ATP10A: variants seen among roughly 807,000 people sequenced by gnomAD.
ATP10A encodes the protein ATPase phospholipid transporting 10A (putative).
Under a neutral mutation model 147.8 loss-of-function variants are expected in ATP10A, and 111 were observed. The ratio of observed to expected loss-of-function variants is 0.75; its 90% confidence interval spans 0.64 to 0.88. The LOEUF (loss-of-function observed/expected upper bound fraction) is 0.88, where lower values mean the gene tolerates loss of function less well. ATP10A is among the 40% of genes least tolerant of loss of function. ATP10A has a pLI of 0.00. For missense variants in ATP10A, 1,927 were observed against 1,959.0 expected, an observed-to-expected ratio of 0.98 and a Z score of 0.31; for synonymous variants, 875 against 841.6, an observed-to-expected ratio of 1.04 and a Z score of -0.69.
intron 1 of ATP10A, among the ~76,000 whole-genome samples, chr15:25,839,144 A>G (rs1892704736): frequency 6.6e-6 from 1 of 152,200 alleles, no homozygotes; most frequent in African/African-American, 2.4e-5. Flanking sequence ...GCTCCAGTTT[A>G]AACTCCAGTG....
intron 8 of ATP10A, among the ~76,000 whole-genome samples, chr15:25,717,840 C>T (rs1333107062): frequency 6.6e-5 from 10 of 152,220 alleles, no homozygotes; most frequent in Non-Finnish European, 1.5e-4. Flanking sequence ...CTAATTAAAA[C>T]TCCCTTGGGA....
Position 25,679,412 on chromosome 15 carries a change from A to G in ATP10A, c.4429T>C (p.Ser1477Pro). Residue 1477 changes from serine to proline, a missense_variant, in exon 21 of 21, where the codon TCA (serine) becomes CCA (proline). Ser to Pro is a moderately conservative substitution (Grantham distance 74, BLOSUM62 -1). Transcript: ENST00000555815. ...GGCCCTTGAAGTCCTGATCGGCCTG[A>G]GTGGGGCTGGACAGGAAGTCCACGT... ...AGRGLPVQPH[S>P]GRSGLQGPDH... 1.9e-6 allele frequency: 3 copies of G among 1,613,208 alleles called. No homozygotes were observed. The highest frequency in any genetic ancestry group is 2.5e-6 in the Non-Finnish European group (3 of 1,179,238).
intron 3 of ATP10A, among the ~76,000 whole-genome samples, chr15:25,728,473 C>T (rs994440629): frequency 2.0e-5 from 3 of 152,254 alleles, no homozygotes; most frequent in Non-Finnish European, 2.9e-5. Context: ...AGATTCGAGA[C>T]GGCAAACCAC....
In ATP10A at chr15:25,694,935, A is replaced by G; in HGVS notation, c.2972T>C (p.Phe991Ser). 1 of 1,614,114 alleles carries G rather than the reference A, an allele frequency of 6.2e-7. No homozygotes were observed. The highest frequency in any genetic ancestry group is 8.5e-7 in the Non-Finnish European group (1 of 1,180,038). The change falls in exon 14 of 21, where the codon TTC becomes TCC. Residue 991 changes from phenylalanine to serine, a missense_variant. Transcript: ENST00000555815. ...YALEKNLEDK[F>S]LFLAKQCRSV... is the part of the protein sequence containing the mutation. Reference sequence around the variant, plus strand: ...GCGGCACTGCTTGGCAAGGAAGAGGAATTTGTCCTCCAGGTTTTTCTCGAG... The same window carrying G: ...GCGGCACTGCTTGGCAAGGAAGAGGGATTTGTCCTCCAGGTTTTTCTCGAG...
chr15:25,796,163 G>A lies in ATP10A; in HGVS notation c.450-14940C>T, dbSNP rs755805612. On this transcript the variant is annotated intron_variant, in intron 1 of 20. Coordinates refer to ENST00000555815, the MANE Select transcript of ATP10A (RefSeq NM_024490.4). ...AAAATAGTTTGTTTCAGGGCTAGGC[G>A]TGGTGGTTCACATCTGTAATCCCAG... is the stretch of plus-strand genomic sequence containing the variant. Among the ~76,000 whole-genome samples the A allele has an allele frequency of 7.2e-5, 11 of 152,188 alleles. No homozygotes were observed. In the East Asian group the frequency reaches 7.7e-4, roughly 11 times the overall value.
chr15:25,683,715 G>GTGGGAAT, intron 16 of ATP10A: 1 of 561,628 alleles, frequency 1.8e-6, no homozygotes, highest in Non-Finnish European at 3.2e-6. Flanking sequence ...AGAACTGGCA[G>GTGGGAAT]TGGGAATTGG....
In ATP10A at chr15:25,827,150, C is replaced by T. The variant is rs185119405; in HGVS notation, c.449+35498G>A. 2.9e-3 allele frequency among the ~76,000 whole-genome samples: 446 copies of T among 152,230 alleles called. 3 individuals are homozygous for T. Among genetic ancestry groups the T allele is most frequent in the African/African-American group, 0.01 (434 of 41,546 alleles). On this transcript the variant is annotated intron_variant, in intron 1 of 20. Coordinates refer to ENST00000555815, the MANE Select transcript of ATP10A (RefSeq NM_024490.4). ...AAGTGCTGAAATAAAGACTGCCAGTCGCTAATTCTATATTCAGCAAAAACT... is the reference window on the plus strand; with the variant it reads ...AAGTGCTGAAATAAAGACTGCCAGTTGCTAATTCTATATTCAGCAAAAACT...
At chr15:25,858,258 T>C (rs895426131) in intron 1 of ATP10A, among the ~76,000 whole-genome samples, 2 of 152,210 alleles carry the variant, frequency 1.3e-5, no homozygotes, top group African/African-American at 2.4e-5. Flanking sequence ...TCCTGGTGTC[T>C]CTGCTTTTGC....
At chr15:25,796,006 G>A (rs1890655599) in intron 1 of ATP10A, among the ~76,000 whole-genome samples, 1 of 152,176 alleles carries the variant, frequency 6.6e-6, no homozygotes, top group South Asian at 2.1e-4. Flanking sequence ...GCTCTCACCA[G>A]ATGCAGATGC....
intron 4 of ATP10A, 90 bp from the exon 5 acceptor site, chr15:25,726,172 C>T: frequency 1.4e-6 from 2 of 1,470,548 alleles, no homozygotes; most frequent in East Asian, 2.3e-5. Flanking sequence ...TCCATGCTGC[C>T]ATTCAGTGGT....
At chr15:25,840,329 G>A (rs1892759862) in intron 1 of ATP10A, among the ~76,000 whole-genome samples, 1 of 151,944 alleles carries the variant, frequency 6.6e-6, no homozygotes, top group South Asian at 2.1e-4. Flanking sequence ...TATCTTTTCT[G>A]CTTCTCTTTC....
chr15:25,721,855 C>T lies in ATP10A; in HGVS notation c.1165G>A (p.Val389Met), dbSNP rs1269039572. 5 of 1,614,112 alleles carry T rather than the reference C, an allele frequency of 3.1e-6. No individual in the cohort carries two copies. Among genetic ancestry groups the T allele is most frequent in the Admixed American group, 1.7e-5 (1 of 60,022 alleles). Residue 389 changes from valine (V) to methionine (M), a missense_variant, in exon 7 of 21, where the codon GTG becomes ATG. By Grantham distance (21) the Val-to-Met change is conservative (BLOSUM62 1). Transcript: ENST00000555815. ...VSIEIVKACQ[V>M]YFINQDMQLY... is the part of the protein sequence containing the mutation. ...TGCATGTCCTGGTTAATGAAGTACA[C>T]TTGGCATGCTTTAACAATTTCAATG...
intron 2 of ATP10A, among the ~76,000 whole-genome samples, chr15:25,778,452 G>A (rs1889733832): frequency 6.6e-6 from 1 of 150,662 alleles, no homozygotes; most frequent in Admixed American, 6.6e-5. Context: ...GCATAAATGG[G>A]AATTTGGATA....
intron 1 of ATP10A, among the ~76,000 whole-genome samples, chr15:25,782,163 A>G (rs1889957268): frequency 1.3e-5 from 2 of 152,220 alleles, no homozygotes; most frequent in African/African-American, 4.8e-5. Flanking sequence ...GCCATTCACA[A>G]AAGGACAACT....
At chr15:25,766,726 G>A (rs113213376) in intron 2 of ATP10A, among the ~76,000 whole-genome samples, 564 of 152,044 alleles carry the variant, frequency 3.7e-3, no homozygotes, top group Non-Finnish European at 5.2e-3. Context: ...CCAGCACCCT[G>A]AGCTCAGTGT....
intron 8 of ATP10A, 123 bp downstream of exon 8, chr15:25,718,059 G>T: frequency 9.3e-7 from 1 of 1,070,494 alleles, no homozygotes; most frequent in South Asian, 1.6e-5. Flanking sequence ...CTGCTGAGTA[G>T]AGCCAAGCCG....
chr15:25,804,422 CGTGT>C lies in ATP10A; in HGVS notation c.450-23203_450-23200del, dbSNP rs148963753. Among the ~76,000 whole-genome samples, 11 of 138,086 alleles carry C rather than the reference CGTGT, an allele frequency of 8.0e-5. No individual in the cohort carries two copies. In the East Asian group the frequency reaches 2.1e-3, roughly 26 times the overall value. 90.6% of individuals were successfully genotyped at this position (138,086 alleles called of 152,430 possible). On this transcript the variant is annotated intron_variant, in intron 1 of 20. Transcript: ENST00000555815. Reference sequence around the variant, plus strand: ...GCGGGTAGGGGTGTGTGTGCATCTGCGTGTGTATGTGTGGTGTGTGTGTCTGTGT... The same window carrying C: ...GCGGGTAGGGGTGTGTGTGCATCTGCGTATGTGTGGTGTGTGTGTCTGTGT...
intron 1 of ATP10A, among the ~76,000 whole-genome samples, chr15:25,833,408 C>A (rs190279333): frequency 6.6e-6 from 1 of 152,124 alleles, no homozygotes; most frequent in African/African-American, 2.4e-5. Flanking sequence ...AAGTCCAGCC[C>A]CGCAGAGCCG....
At chr15:25,848,808 A>G (rs1427579077) in intron 1 of ATP10A, 1 of 153,266 alleles carries the variant, frequency 6.5e-6, no homozygotes, top group Non-Finnish European at 1.5e-5. Flanking sequence ...CCTTAACTGC[A>G]GCCAACTTTC....
Sources: allele counts gnomAD v4.1 joint callset (sites outside exome capture counted in the v4.1 genomes callset), GRCh38; gene constraint gnomAD v4.1.1; transcripts MANE v1.5; gene names NCBI Gene and HGNC (gene_info 2026-07-23, HGNC 2026-07-21).